Variants in CHN1 observed in about 807,000 individuals in gnomAD.
CHN1 encodes the protein N-chimaerin.
In CHN1, 37 loss-of-function variants were observed where a neutral mutation model predicts 59.5. The observed-to-expected ratio is 0.62, with a 90% CI of 0.48 to 0.82. The LOEUF (loss-of-function observed/expected upper bound fraction) is 0.82. CHN1 is among the 40% of genes least tolerant of loss of function. CHN1 has a pLI of 0.00. For synonymous variants in CHN1, 206 were observed against 200.4 expected, an observed-to-expected ratio of 1.03 and a Z score of -0.24; for missense variants, 469 against 571.0, an observed-to-expected ratio of 0.82 and a Z score of 1.82.
chr2:174,903,996 C>T (rs1391958263), intron 5 of CHN1, among the ~76,000 whole-genome samples: 1 of 152,138 alleles, frequency 6.6e-6, no homozygotes, highest in Non-Finnish European at 1.5e-5. Flanking sequence ...GGCACGGTGG[C>T]TCATGCCTGT....
chr2:174,881,275 C>T (rs1687725256), intron 5 of CHN1, among the ~76,000 whole-genome samples: 2 of 152,102 alleles, frequency 1.3e-5, no homozygotes, highest in African/African-American at 4.8e-5. Context: ...AGTACAAAAG[C>T]ATCCTTGCAG....
intron 11 of CHN1, among the ~76,000 whole-genome samples, chr2:174,806,776 G>A (rs1684897919): frequency 6.6e-6 from 1 of 152,154 alleles, no homozygotes; most frequent in Admixed American, 6.5e-5. Flanking sequence ...TTCCTTGTCT[G>A]CCTTTTAAGA....
chr2:174,950,876 T>G (rs1329076926), intron 2 of CHN1, among the ~76,000 whole-genome samples: 5 of 148,866 alleles, frequency 3.4e-5, no homozygotes, highest in Non-Finnish European at 5.9e-5. Context: ...GCCTCCCTGG[T>G]TCAAGCGATT....
chr2:174,862,167 C>T (rs1375772280), intron 6 of CHN1, among the ~76,000 whole-genome samples: 1 of 152,082 alleles, frequency 6.6e-6, no homozygotes, highest in Non-Finnish European at 1.5e-5. Flanking sequence ...ATATCTCCTC[C>T]TGCAGGATCA....
chr2:175,001,387 T>C (rs1162896025), intron 1 of CHN1, among the ~76,000 whole-genome samples: 3 of 152,252 alleles, frequency 2.0e-5, no homozygotes, highest in Non-Finnish European at 4.4e-5. Context: ...GAAAATTTCC[T>C]AACTACATCA....
intron 3 of CHN1, among the ~76,000 whole-genome samples, chr2:174,918,856 A>G (rs573888752): frequency 6.6e-6 from 1 of 151,190 alleles, no homozygotes; most frequent in South Asian, 2.1e-4. Flanking sequence ...TCAAGAGTAA[A>G]ATACAACACC....
At chr2:174,972,486 A>T (rs904788538) in intron 1 of CHN1, among the ~76,000 whole-genome samples, 4 of 152,190 alleles carry the variant, frequency 2.6e-5, no homozygotes, top group African/African-American at 9.7e-5. Flanking sequence ...TGGAATTTAC[A>T]CTTCCTGTAA....
intron 6 of CHN1, among the ~76,000 whole-genome samples, chr2:174,854,067 AAAAT>A (rs1332455418): frequency 1.3e-5 from 2 of 152,208 alleles, no homozygotes; most frequent in Non-Finnish European, 2.9e-5. Flanking sequence ...GTTGAGTGAA[AAAAT>A]AAATAAAAAT....
chr2:174,864,980 A>G (rs1687176246), intron 6 of CHN1, among the ~76,000 whole-genome samples: 2 of 152,186 alleles, frequency 1.3e-5, no homozygotes, highest in South Asian at 2.1e-4. Context: ...TGTTGTTCCT[A>G]TGAAAGGAAC....
chr2:174,977,042 T>A (rs537905427), intron 1 of CHN1, among the ~76,000 whole-genome samples: 2 of 152,214 alleles, frequency 1.3e-5, no homozygotes, highest in Non-Finnish European at 2.9e-5. Flanking sequence ...CTTAGACACA[T>A]TGTTCACTGT....
At chr2:174,983,757 G>A (rs1352018914) in intron 1 of CHN1, among the ~76,000 whole-genome samples, 1 of 152,174 alleles carries the variant, frequency 6.6e-6, no homozygotes, top group Non-Finnish European at 1.5e-5. Flanking sequence ...GAACCCAGGA[G>A]GCTGAGGTTG....
In CHN1 at chr2:174,944,953, G is replaced by A. The variant is rs754054473; in HGVS notation, c.59-10C>T. 6 of 1,561,380 alleles carry A rather than the reference G, an allele frequency of 3.8e-6. No individual in the cohort carries two copies. In the East Asian group the frequency reaches 1.2e-4, roughly 30 times the overall value. On this transcript the variant is annotated splice_polypyrimidine_tract_variant and intron_variant, in intron 2 of 12. Transcript: ENST00000409900. ...TGTTGTAGCTGATATACTGTGAGAAGGTAGAAACAAAAAGTGTCAATGTCC... is the reference window on the plus strand; with the variant it reads ...TGTTGTAGCTGATATACTGTGAGAAAGTAGAAACAAAAAGTGTCAATGTCC...
chr2:174,933,554 G>A (rs1465679969), intron 3 of CHN1, among the ~76,000 whole-genome samples: 2 of 152,174 alleles, frequency 1.3e-5, no homozygotes, highest in Admixed American at 6.5e-5. Context: ...AGTTCTGCTT[G>A]GAGTGGCAGT....
chr2:174,900,183 T>C (rs967697109), intron 5 of CHN1, among the ~76,000 whole-genome samples: 2 of 152,248 alleles, frequency 1.3e-5, no homozygotes, highest in East Asian at 1.9e-4. Context: ...CCATGAAATC[T>C]AGAAGAAAGT....
rs1342742502 is a variant in CHN1 at position 174,961,239 on chromosome 2, AAGGC to A, written c.20-9041_20-9038del. The stretch of plus-strand genomic sequence containing the variant: ...GAAGGGAGGGAGGGAGGGAGGGAGG[AAGGC>A]AGGCAGGCAGGCAGAAACTTGAATC... On this transcript the variant is annotated intron_variant, in intron 1 of 12. Coordinates refer to ENST00000409900, the MANE Select transcript of CHN1 (RefSeq NM_001822.7). Among the ~76,000 whole-genome samples the A allele has an allele frequency of 2.8e-5, 4 of 144,746 alleles. No homozygotes were observed. In the East Asian group the frequency reaches 8.2e-4, roughly 30 times the overall value. The allele number at this position is 144,746 out of a possible 152,430, so 95.0% of individuals were successfully genotyped here.
intron 1 of CHN1, among the ~76,000 whole-genome samples, chr2:174,962,411 A>G (rs1690441269): frequency 1.3e-5 from 2 of 152,154 alleles, no homozygotes; most frequent in South Asian, 2.1e-4. Context: ...AAAGTTATCC[A>G]GGGCTAATAC....
chr2:174,802,699 A>G (rs1335386449), intron 11 of CHN1, among the ~76,000 whole-genome samples: 1 of 152,256 alleles, frequency 6.6e-6, no homozygotes, highest in Non-Finnish European at 1.5e-5. Flanking sequence ...AGAGCACCAC[A>G]GTACATTCCT....
intron 2 of CHN1, among the ~76,000 whole-genome samples, chr2:174,946,445 G>A (rs947927823): frequency 6.6e-6 from 1 of 152,114 alleles, no homozygotes; most frequent in Non-Finnish European, 1.5e-5. Flanking sequence ...CATCAGGAAT[G>A]TTTAAATTCT....
At chr2:174,932,883 C>T (rs1689390837) in intron 3 of CHN1, among the ~76,000 whole-genome samples, 1 of 152,184 alleles carries the variant, frequency 6.6e-6, no homozygotes, top group South Asian at 2.1e-4. Flanking sequence ...GCCAATTAAA[C>T]ACCTCTTTTC....
Sources: gnomAD v4.1 joint callset for allele counts (sites outside exome capture counted in the v4.1 genomes callset) on GRCh38, gnomAD v4.1.1 for gene constraint, MANE v1.5 for transcripts, NCBI Gene and HGNC (gene_info 2026-07-23, HGNC 2026-07-21) for gene names.